Variants in ANK3 observed in about 807,000 individuals in gnomAD.
The protein encoded by ANK3 is ankyrin 3.
A neutral mutation model predicts 370.9 loss-of-function variants in ANK3; 57 were observed. The ratio of observed to expected loss-of-function variants is 0.15; its 90% CI spans 0.12 to 0.19. The LOEUF is 0.19. Among genes scored for constraint, ANK3 ranks in the 10% least tolerant of loss-of-function variants. The pLI is 1.00. For missense variants in ANK3, 4,439 were observed against 5,302.1 expected (o/e 0.84, Z 5.06); for synonymous variants, 1,929 against 1,946.3 (o/e 0.99, Z 0.23).
intron 23 of ANK3, among the ~76,000 whole-genome samples, chr10:60,154,841 G>A (rs769755339): frequency 2.0e-5 from 3 of 150,834 alleles, no homozygotes; most frequent in Non-Finnish European, 2.9e-5. Flanking sequence ...CTTTCCTAAC[G>A]AGAATACACT....
chr10:60,490,337 G>T (rs1055885051), intron 2 of ANK3, among the ~76,000 whole-genome samples: 1 of 152,160 alleles, frequency 6.6e-6, no homozygotes, highest in Non-Finnish European at 1.5e-5. Context: ...CAGAACATTT[G>T]TTTTAACACA....
rs753237367 is a variant in ANK3 at position 60,074,137 on chromosome 10, T to A, written c.6744A>T (p.Thr2248=). The A allele has an allele frequency of 5.6e-6, 9 of 1,613,698 alleles. No individual in the cohort carries two copies. In the East Asian group the frequency reaches 6.7e-5, roughly 12 times the overall value. ...MRVKEETHIT[T]TTRMVYHSPP... ...GAGAATGATAAACCATTCTGGTGGT[T>A]GTGGTTATGTGAGTCTCTTCTTTAA... Residue 2248 remains threonine, a synonymous_variant, in exon 37 of 44, where the codon ACA becomes ACT. Transcript: ENST00000280772.
intron 1 of ANK3, among the ~76,000 whole-genome samples, chr10:60,645,507 C>T (rs1303897500): frequency 1.3e-5 from 2 of 152,096 alleles, no homozygotes; most frequent in Non-Finnish European, 2.9e-5. Context: ...GGGTGGATCG[C>T]TTGAGGTCAG....
chr10:60,216,780 A>G (rs867114735), intron 8 of ANK3, among the ~76,000 whole-genome samples: 3 of 152,184 alleles, frequency 2.0e-5, no homozygotes, highest in South Asian at 2.1e-4. Context: ...CTGGCTTCAT[A>G]AAATGAGTTA....
At chr10:60,376,072 C>T (rs1012071208) in intron 1 of ANK3, among the ~76,000 whole-genome samples, 12 of 152,042 alleles carry the variant, frequency 7.9e-5, no homozygotes, top group East Asian at 1.9e-4. Flanking sequence ...CTTAAGTAAC[C>T]GACTTCACAC....
rs190718596 is a variant in ANK3, at chr10:60,167,925, T to C, written c.2479-1029A>G. On this transcript the variant is annotated intron_variant, in intron 21 of 43. Transcript: ENST00000280772. ...GAGCAGTTTTAAAAATAAACTTTTATTTTTAGAAGAGGTTGAGATTTATAG... is the reference window on the plus strand; with the variant it reads ...GAGCAGTTTTAAAAATAAACTTTTACTTTTAGAAGAGGTTGAGATTTATAG... Among the ~76,000 whole-genome samples the C allele has an allele frequency of 2.4e-3, 373 of 152,296 alleles. 4 individuals are homozygous for C. The highest frequency in any genetic ancestry group is 8.5e-3 in the African/African-American group (354 of 41,566).
chr10:60,603,745 G>A (rs939421933), intron 2 of ANK3, among the ~76,000 whole-genome samples: 3 of 152,012 alleles, frequency 2.0e-5, no homozygotes, highest in Admixed American at 1.3e-4. Flanking sequence ...GCCAGATACT[G>A]GTATCAAGTT....
intron 21 of ANK3, among the ~76,000 whole-genome samples, chr10:60,171,183 TAGAC>T (rs1353605249): frequency 3.9e-5 from 6 of 152,196 alleles, no homozygotes; most frequent in African/African-American, 1.4e-4. Context: ...ATTTCTCTCT[TAGAC>T]AAAGTATAAC....
intron 1 of ANK3, among the ~76,000 whole-genome samples, chr10:60,368,764 C>T (rs1264437813): frequency 1.3e-5 from 2 of 152,118 alleles, no homozygotes; most frequent in African/African-American, 4.8e-5. Context: ...AGTTTTAAAT[C>T]CCCATTCACG....
At chr10:60,707,047 T>A (rs1390923280) in intron 1 of ANK3, among the ~76,000 whole-genome samples, 3 of 152,188 alleles carry the variant, frequency 2.0e-5, no homozygotes. Context: ...AAATATTCCT[T>A]CACTCTAAAT....
intron 2 of ANK3, among the ~76,000 whole-genome samples, chr10:60,561,886 T>C (rs2133250028): frequency 6.6e-6 from 1 of 152,352 alleles, no homozygotes; most frequent in South Asian, 2.1e-4. Context: ...GTCTGAGCCC[T>C]AGCCTCTCTC....
Position 60,071,971 on chromosome 10 carries a change from C to G in ANK3, c.8910G>C (p.Met2970Ile). 1 of 1,614,096 alleles carries G rather than the reference C, an allele frequency of 6.2e-7. No homozygotes were observed. The highest frequency in any genetic ancestry group is 8.5e-7 in the Non-Finnish European group (1 of 1,179,994). Residue 2970 changes from methionine (M) to isoleucine (I), a missense_variant, in exon 37 of 44, where the codon ATG becomes ATC. Transcript: ENST00000280772. Reference protein sequence around the residue: ...IPVRVADERRMLSSNIPDGFC... With the variant: ...IPVRVADERRILSSNIPDGFC... ...AACCATCGGGAATATTAGAAGACAG[C>G]ATTCTCCTCTCATCAGCAACTCTGA... is the stretch of plus-strand genomic sequence containing the variant.
chr10:60,249,628 T>C (rs1204165885), intron 7 of ANK3, among the ~76,000 whole-genome samples: 1 of 152,220 alleles, frequency 6.6e-6, no homozygotes, highest in African/African-American at 2.4e-5. Context: ...AACAATGTCT[T>C]TGAAGTTTCT....
intron 2 of ANK3, among the ~76,000 whole-genome samples, chr10:60,440,013 T>C (rs907786309): frequency 2.0e-5 from 3 of 152,212 alleles, no homozygotes; most frequent in African/African-American, 4.8e-5. Flanking sequence ...CATTTCAATA[T>C]GCCCTTCCCT....
At chr10:60,704,033 C>T (rs1361303617) in intron 1 of ANK3, among the ~76,000 whole-genome samples, 1 of 152,152 alleles carries the variant, frequency 6.6e-6, no homozygotes, top group African/African-American at 2.4e-5. Flanking sequence ...GGAATACTTG[C>T]TCTTAGGCCA....
At chr10:60,426,088 C>A (rs955847265) in intron 2 of ANK3, among the ~76,000 whole-genome samples, 3 of 152,028 alleles carry the variant, frequency 2.0e-5, no homozygotes, top group East Asian at 1.9e-4. Context: ...AAGTGGTATA[C>A]AAATGTTTAC....
intron 2 of ANK3, among the ~76,000 whole-genome samples, chr10:60,433,802 G>A (rs541914011): frequency 6.6e-6 from 1 of 152,250 alleles, no homozygotes; most frequent in South Asian, 2.1e-4. Flanking sequence ...CCAAGTTCTT[G>A]ATCTATTTCC....
At chr10:60,570,508 A>T (rs2077566777) in intron 2 of ANK3, among the ~76,000 whole-genome samples, 2 of 152,198 alleles carry the variant, frequency 1.3e-5, no homozygotes, top group South Asian at 4.1e-4. Context: ...AGAATGATTT[A>T]ATTCAGGGAC....
intron 17 of ANK3, among the ~76,000 whole-genome samples, chr10:60,183,150 C>A (rs2096243689): frequency 6.6e-6 from 1 of 152,192 alleles, no homozygotes; most frequent in Non-Finnish European, 1.5e-5. Context: ...CTTCCCTGGC[C>A]TTTCTCTCTT....
Sources: gnomAD v4.1 joint callset for allele counts (sites outside exome capture counted in the v4.1 genomes callset) on GRCh38, gnomAD v4.1.1 for gene constraint, MANE v1.5 for transcripts, NCBI Gene and HGNC (gene_info 2026-07-23, HGNC 2026-07-21) for gene names.